The following KIF1B variants were observed in gnomAD, a reference collection of about 807,000 sequenced individuals.
The protein encoded by KIF1B is kinesin-like protein KIF1B.
Under a neutral mutation model 241.9 loss-of-function variants are expected in KIF1B, and 76 were observed. The observed-to-expected ratio is 0.31, with a 90% confidence interval of 0.26 to 0.38. KIF1B has a LOEUF of 0.38. Ranked by LOEUF, KIF1B falls within the 10% of genes least tolerant of loss-of-function variation. The probability of loss-of-function intolerance (pLI) is 1.00; values close to 1 mark genes in which losing one functional copy is unlikely to be tolerated. For missense variants in KIF1B, 1,622 were observed against 2,271.4 expected (o/e 0.71, Z 5.81); for synonymous variants, 750 against 796.7 (o/e 0.94, Z 0.99).
chr1:10,352,565 G>C, intron 37 of KIF1B, 66 bp from the exon 38 acceptor site: 1 of 1,366,272 alleles, frequency 7.3e-7, no homozygotes. Context: ...TCTCTTTTGG[G>C]CTTAATGAAT....
intron 13 of KIF1B, chr1:10,278,860 A>C (rs1649256599): frequency 2.2e-6 from 1 of 451,350 alleles, no homozygotes; most frequent in Non-Finnish European, 4.0e-6. Flanking sequence ...TTTTAGTGTA[A>C]AGTTAAACTT....
chr1:10,334,713 C>CA (rs1652099267), intron 28 of KIF1B, 75 bp downstream of exon 28: 4 of 1,125,850 alleles, frequency 3.6e-6, no homozygotes, highest in African/African-American at 1.5e-5. Context: ...CTGCGTGGGT[C>CA]ACGCTTATAT....
chr1:10,295,739 C>G lies in KIF1B; in HGVS notation c.1750C>G (p.Arg584Gly). The G allele has an allele frequency of 6.2e-7, 1 of 1,613,716 alleles. No individual in the cohort carries two copies. The change falls in exon 19 of 49, where the codon CGG (arginine) becomes GGG (glycine). Residue 584 changes from arginine (R) to glycine (G), a missense_variant. Physicochemically the swap from Arg to Gly is moderately radical, Grantham distance 125. This residue lies in a region of KIF1B where 44 missense variants were observed against 28.6 expected (regional missense o/e 1.54). Transcript: ENST00000676179. ...CATTAAAGAAGAGCATTGTATCTTC[C>G]GGAGTGAGAGAAGCAACAGCGGGGA... Reference protein sequence around the residue: ...AHIKEEHCIFRSERSNSGEVI... With the variant: ...AHIKEEHCIFGSERSNSGEVI...
intron 25 of KIF1B, among the ~76,000 whole-genome samples, chr1:10,324,343 A>G (rs1167907007): frequency 1.3e-5 from 2 of 152,212 alleles, no homozygotes; most frequent in Non-Finnish European, 1.5e-5. Flanking sequence ...TTTCTGTTAC[A>G]GATTTGGAAC....
Position 10,230,476 on chromosome 1 carries a change from C to T in KIF1B, c.-79-1774C>T, listed in dbSNP as rs1314469406. On this transcript the variant is annotated intron_variant, in intron 1 of 48. Transcript: ENST00000676179. ...TTTGAGACGGAGTCTCACTCTGTGA[C>T]CCAGGCTGGAGTGCAGTGGTGCGAT... is the stretch of plus-strand genomic sequence containing the variant. Among the ~76,000 whole-genome samples the T allele has an allele frequency of 6.7e-5, 10 of 148,576 alleles. No individual in the cohort carries two copies. The Admixed American group carries it at 6.8e-4, about 10-fold the overall frequency.
At chr1:10,273,753 A>C (rs1569661192) in intron 10 of KIF1B, among the ~76,000 whole-genome samples, 2 of 145,724 alleles carry the variant, frequency 1.4e-5, no homozygotes, top group African/African-American at 5.0e-5. Flanking sequence ...AACAAACACC[A>C]CAAGACTAGC....
chr1:10,223,541 G>GTTT (rs1423341392), intron 1 of KIF1B, among the ~76,000 whole-genome samples: 1 of 118,596 alleles, frequency 8.4e-6, no homozygotes, highest in Non-Finnish European at 1.8e-5. Context: ...TTTTTGTTTT[G>GTTT]TTTTGTTTTT....
chr1:10,282,614 T>C (rs755085394), intron 15 of KIF1B, 81 bp downstream of exon 15: 3 of 1,174,910 alleles, frequency 2.6e-6, no homozygotes, highest in Non-Finnish European at 3.8e-6. Context: ...CACTAAGATT[T>C]CGACTCAGCA....
rs192129263 is a variant in KIF1B at position 10,268,318 on chromosome 1, G to A, written c.720+55G>A. 11 of 1,206,840 alleles carry A rather than the reference G, an allele frequency of 9.1e-6. No homozygotes were observed. The Admixed American group carries it at 1.8e-4, about 19-fold the overall frequency. The allele number at this position is 1,206,840 out of a possible 1,614,324, so 74.8% of individuals were successfully genotyped here. ...TTGTGAAGGATGGAGATTTTGAGAA[G>A]TCCCTTTTGTTGCCCTCTGCTTTTT... On this transcript the variant is annotated intron_variant, in intron 7 of 48. Coordinates refer to ENST00000676179, the MANE Select transcript of KIF1B (RefSeq NM_001365951.3).
chr1:10,262,715 C>T (rs115387017), intron 5 of KIF1B, among the ~76,000 whole-genome samples: 2,862 of 152,126 alleles, frequency 0.019, 41 homozygotes, highest in Non-Finnish European at 0.028. Flanking sequence ...TATGGTTGAA[C>T]GTCTTGTAAA....
chr1:10,291,219 T>A (rs1375912905), intron 16 of KIF1B, 58 bp downstream of exon 16: 1 of 1,164,796 alleles, frequency 8.6e-7, no homozygotes, highest in East Asian at 2.4e-5. Flanking sequence ...TGGATTACTT[T>A]ATCGTAAGAA....
At chr1:10,370,937 T>C (rs1638714881) in intron 44 of KIF1B, among the ~76,000 whole-genome samples, 1 of 152,156 alleles carries the variant, frequency 6.6e-6, no homozygotes. Flanking sequence ...CCCTCCAGCC[T>C]GGGCAATAGA....
At chr1:10,375,164 G>T (rs1296622484) in intron 47 of KIF1B, 91 bp from the exon 48 acceptor site, 1 of 1,470,286 alleles carries the variant, frequency 6.8e-7, no homozygotes, top group Non-Finnish European at 9.5e-7. Flanking sequence ...AACTTCCTTT[G>T]TGAAGTGCTA....
intron 38 of KIF1B, among the ~76,000 whole-genome samples, chr1:10,355,647 C>T (rs1411766439): frequency 2.0e-5 from 3 of 152,148 alleles, no homozygotes; most frequent in Non-Finnish European, 4.4e-5. Flanking sequence ...AAGTTTTCCT[C>T]TTCTACATTA....
intron 1 of KIF1B, among the ~76,000 whole-genome samples, chr1:10,212,890 G>GTGTATATATA (rs1284149177): frequency 1.8e-5 from 2 of 109,492 alleles, no homozygotes; most frequent in African/African-American, 3.6e-5. Flanking sequence ...ATGCGTGTGT[G>GTGTATATATA]TATATATATA....
Position 10,356,599 on chromosome 1 carries a change from T to TAAAAAAAAAAAA in KIF1B, c.4055+3870_4055+3871insAAAAAAAAAAAA, listed in dbSNP as rs368122273. ...GTAGTAGCTATACCTGCAGATGCTT[T>TAAAAAAAAAAAA]AAAAAAAGAAAAAAAAATGCGGCCG... is the stretch of plus-strand genomic sequence containing the variant. On this transcript the variant is annotated intron_variant, in intron 38 of 48. Transcript: ENST00000676179. Among the ~76,000 whole-genome samples the TAAAAAAAAAAAA allele has an allele frequency of 4.1e-4, 61 of 148,546 alleles. 1 individual carries two copies. The highest frequency in any genetic ancestry group is 1.2e-3 in the African/African-American group (50 of 40,280).
Position 10,326,060 on chromosome 1 carries a change from A to C in KIF1B, c.2676-51A>C. Reference sequence around the variant, plus strand: ...GCACCTATTGCTTCCTGTTTAACCAACTATTCCTCTCTCCCTGGCTGTGTT... The same window carrying C: ...GCACCTATTGCTTCCTGTTTAACCACCTATTCCTCTCTCCCTGGCTGTGTT... On this transcript the variant is annotated intron_variant, in intron 26 of 48. Transcript: ENST00000676179. This position sits in a 1 kb window ranked among gnomAD's most constrained non-coding sequence, Gnocchi z 5.2. The C allele has an allele frequency of 6.2e-7, 1 of 1,611,302 alleles. No individual in the cohort carries two copies. Among genetic ancestry groups the C allele is most frequent in the Non-Finnish European group, 8.5e-7 (1 of 1,179,640 alleles).
rs555518929 is a variant in KIF1B at position 10,310,797 on chromosome 1, A to G, written c.2116-9246A>G. ...AACCACACCAGTAGTGAGTCAGTAC[A>G]TTTGTGACAAGTGCCATGATGGAAA... On this transcript the variant is annotated intron_variant, in intron 22 of 48. Transcript: ENST00000676179. Among the ~76,000 whole-genome samples the G allele has an allele frequency of 3.3e-5, 5 of 151,628 alleles. No individual in the cohort carries two copies. The South Asian group carries it at 6.2e-4, about 19-fold the overall frequency.
intron 15 of KIF1B, among the ~76,000 whole-genome samples, chr1:10,283,312 A>G (rs970228202): frequency 2.0e-5 from 3 of 151,924 alleles, no homozygotes; most frequent in African/African-American, 7.2e-5. Context: ...GTTCACAGAA[A>G]GCCTTGATGC....
Sources: gnomAD v4.1 joint callset for allele counts (sites outside exome capture counted in the v4.1 genomes callset) on GRCh38, gnomAD v4.1.1 for gene constraint, gnomAD v4.1.1 regional missense constraint, Gnocchi (gnomAD v3.1) non-coding constraint, MANE v1.5 for transcripts, NCBI Gene and HGNC (gene_info 2026-07-23, HGNC 2026-07-21) for gene names.